The following DCDC1 variants were observed in gnomAD, a reference collection of about 807,000 sequenced individuals.
DCDC1 encodes the protein doublecortin domain containing 1, also known as doublecortin domain-containing protein 1.
DCDC1 carries 200 observed loss-of-function variants against 178.3 expected under a neutral mutation model. That is an observed-to-expected ratio of 1.12 (90% confidence interval 1.00 to 1.26). DCDC1 has a LOEUF of 1.26. Among genes scored for constraint, DCDC1 ranks in the 50% most tolerant of loss-of-function variants. DCDC1 has a pLI of 0.00. For missense variants in DCDC1, 1,983 were observed against 1,749.2 expected (o/e 1.13, Z -2.38); for synonymous variants, 690 against 604.8 (o/e 1.14, Z -2.07).
intron 9 of DCDC1, among the ~76,000 whole-genome samples, chr11:31,217,552 A>T (rs188327688): frequency 5.3e-5 from 8 of 152,240 alleles, no homozygotes; most frequent in Admixed American, 3.9e-4. Context: ...GTAAGAAAAG[A>T]TCCAAATGTT....
At chr11:31,079,014 G>T (rs1264553610) in intron 17 of DCDC1, among the ~76,000 whole-genome samples, 3 of 152,072 alleles carry the variant, frequency 2.0e-5, no homozygotes, top group Non-Finnish European at 4.4e-5. Flanking sequence ...GCTGGGTTCT[G>T]GGCACAGAGC....
chr11:30,933,277 A>T (rs1451782666), intron 21 of DCDC1, among the ~76,000 whole-genome samples: 1 of 151,942 alleles, frequency 6.6e-6, no homozygotes, highest in Non-Finnish European at 1.5e-5. Context: ...TACATTTAAG[A>T]ATAAGTTTGG....
intron 11 of DCDC1, among the ~76,000 whole-genome samples, chr11:31,115,994 G>GGGGGGGGGGGGGGGACTGTC (rs1959889948): frequency 1.1e-5 from 1 of 87,214 alleles, no homozygotes; most frequent in Non-Finnish European, 2.3e-5. Flanking sequence ...GGGGGGGGGG[G>GGGGGGGGGGGGGGGACTGTC]ATGGGTATCT....
intron 18 of DCDC1, among the ~76,000 whole-genome samples, chr11:31,065,586 C>T (rs1431358643): frequency 6.6e-6 from 1 of 152,028 alleles, no homozygotes; most frequent in African/African-American, 2.4e-5. Flanking sequence ...CTGCATTAAG[C>T]ATAGATAAGA....
At chr11:31,139,329 T>C (rs746597327) in intron 9 of DCDC1, among the ~76,000 whole-genome samples, 2 of 152,162 alleles carry the variant, frequency 1.3e-5, no homozygotes, top group Non-Finnish European at 2.9e-5. Context: ...AAAATCATTA[T>C]GTGAAACTAT....
intron 21 of DCDC1, among the ~76,000 whole-genome samples, chr11:30,933,175 G>A (rs569807978): frequency 6.6e-6 from 1 of 151,968 alleles, no homozygotes; most frequent in East Asian, 1.9e-4. Flanking sequence ...ATATTTTTAT[G>A]TGGTAAGTCT....
At chr11:30,933,323 C>T (rs879864043) in intron 21 of DCDC1, among the ~76,000 whole-genome samples, 2 of 151,598 alleles carry the variant, frequency 1.3e-5, no homozygotes, top group Admixed American at 1.3e-4. Flanking sequence ...GATATAAGTG[C>T]TCTATATTAG....
intron 9 of DCDC1, among the ~76,000 whole-genome samples, chr11:31,153,839 T>C (rs1293947099): frequency 2.4e-5 from 3 of 125,772 alleles, no homozygotes; most frequent in Non-Finnish European, 5.0e-5. Context: ...CTCTATGCTG[T>C]ATCATTCACA....
chr11:30,905,343 A>G (rs946645890), intron 30 of DCDC1, among the ~76,000 whole-genome samples, 179 bp from the exon 31 acceptor site: 2 of 152,168 alleles, frequency 1.3e-5, no homozygotes, highest in Non-Finnish European at 2.9e-5. Context: ...CAAATTCTTC[A>G]GTTCCCTCCC....
intron 20 of DCDC1, among the ~76,000 whole-genome samples, chr11:31,026,923 G>T (rs1953283079): frequency 1.3e-5 from 2 of 151,752 alleles, no homozygotes; most frequent in Admixed American, 1.3e-4. Flanking sequence ...TCTCTATGAA[G>T]CTGCCCTTGA....
chr11:31,146,248 G>T (rs1237847575), intron 9 of DCDC1, among the ~76,000 whole-genome samples: 2 of 151,314 alleles, frequency 1.3e-5, no homozygotes, highest in African/African-American at 4.9e-5. Context: ...ATTTTTTTTT[G>T]TTTGTTTTTG....
intron 27 of DCDC1, among the ~76,000 whole-genome samples, chr11:30,915,014 G>A (rs1468826805): frequency 6.6e-6 from 1 of 152,154 alleles, no homozygotes; most frequent in Non-Finnish European, 1.5e-5. Flanking sequence ...ATTGAATTAG[G>A]TTGATATATT....
intron 6 of DCDC1, among the ~76,000 whole-genome samples, chr11:31,304,916 T>C (rs1012165709): frequency 3.3e-5 from 5 of 152,140 alleles, no homozygotes; most frequent in African/African-American, 1.2e-4. Flanking sequence ...TATTCTTAGA[T>C]AGTAGTGCTT....
intron 9 of DCDC1, among the ~76,000 whole-genome samples, chr11:31,145,130 C>G (rs1051550925): frequency 1.3e-5 from 2 of 152,032 alleles, no homozygotes; most frequent in African/African-American, 2.4e-5. Context: ...AAATTTGGGC[C>G]ACAATCCCTA....
chr11:30,903,907 A>G, intron 31 of DCDC1: 1 of 349,856 alleles, frequency 2.9e-6, no homozygotes. Context: ...TAAATTTCCT[A>G]TCTCCACAAA....
intron 9 of DCDC1, among the ~76,000 whole-genome samples, chr11:31,225,238 T>C (rs1974769349): frequency 6.6e-6 from 1 of 152,134 alleles, no homozygotes; most frequent in African/African-American, 2.4e-5. Context: ...GAGGTCATTA[T>C]TCTAAGTGAA....
At chr11:30,933,906 T>C (rs1221939020) in intron 21 of DCDC1, among the ~76,000 whole-genome samples, 1 of 152,216 alleles carries the variant, frequency 6.6e-6, no homozygotes, top group Non-Finnish European at 1.5e-5. Flanking sequence ...TCAGCCCTTA[T>C]AAAGTTTTTG....
rs187511535 is a variant in DCDC1 at position 31,184,035 on chromosome 11, T to G, written c.1222-46251A>C. Among the ~76,000 whole-genome samples, 5 of 152,268 alleles carry G rather than the reference T, an allele frequency of 3.3e-5. No homozygotes were observed. The East Asian group carries it at 9.6e-4, about 29-fold the overall frequency. On this transcript the variant is annotated intron_variant, in intron 9 of 38. Coordinates refer to ENST00000684477, the MANE Select transcript of DCDC1 (RefSeq NM_001387274.1). ...GGCATCACGCTACCTGACCTCAAAC[T>G]ATACTACAAGGCTACAGTAACCAAA...
intron 15 of DCDC1, 100 bp from the exon 16 acceptor site, chr11:31,094,284 T>C: frequency 1.5e-6 from 1 of 675,034 alleles, no homozygotes; most frequent in Non-Finnish European, 2.7e-6. Context: ...CATTATTTAT[T>C]CTGATTGATA....
Sources: gnomAD v4.1 joint callset for allele counts (sites outside exome capture counted in the v4.1 genomes callset) on GRCh38, gnomAD v4.1.1 for gene constraint, MANE v1.5 for transcripts, NCBI Gene and HGNC (gene_info 2026-07-23, HGNC 2026-07-21) for gene names.